PPEF1: variants seen among roughly 807,000 people sequenced by gnomAD.
PPEF1 encodes the protein protein phosphatase with EF-hand domain 1.
PPEF1 carries 12 observed loss-of-function variants against 53.3 expected under a neutral mutation model. The observed-to-expected ratio is 0.23, with a 90% confidence interval of 0.14 to 0.36. The LOEUF (loss-of-function observed/expected upper bound fraction) is 0.36. Ranked by LOEUF, PPEF1 falls within the 10% of genes least tolerant of loss-of-function variation. The pLI is 1.00. For synonymous variants in PPEF1, 165 were observed against 176.7 expected (o/e 0.93, Z 0.52); for missense variants, 334 against 490.4 (o/e 0.68, Z 3.01).
intron 1 of PPEF1, 42 bp downstream of exon 1, chrX:18,707,868 G>A (rs755162741): frequency 8.2e-5 from 91 of 1,115,343 alleles, no homozygotes; most frequent in Non-Finnish European, 9.1e-5. Flanking sequence ...ATGAAAAGGG[G>A]AAAATGAGCT....
chrX:18,702,105 G>C (rs962382180), intron 6 of PPEF1, among the ~76,000 whole-genome samples: 2 of 111,733 alleles, frequency 1.8e-5, no homozygotes, highest in African/African-American at 6.5e-5. Context: ...TCTCTGGCAC[G>C]GGCTGCCAGG....
At chrX:18,725,029 G>A (rs1029979890) in intron 1 of PPEF1, among the ~76,000 whole-genome samples, 5 of 111,028 alleles carry the variant, frequency 4.5e-5, no homozygotes, top group Non-Finnish European at 7.5e-5. Flanking sequence ...AGCAGGATGT[G>A]GATCAAAGTC....
intron 3 of PPEF1, among the ~76,000 whole-genome samples, chrX:18,746,672 A>G (rs1375958684): frequency 8.9e-6 from 1 of 112,142 alleles, no homozygotes; most frequent in Admixed American, 9.5e-5. Flanking sequence ...GATTGGGAAA[A>G]TAAAATGATT....
upstream of PPEF1, among the ~76,000 whole-genome samples, chrX:18,679,473 C>G (rs1292719317): frequency 1.8e-5 from 2 of 111,601 alleles, no homozygotes; most frequent in Admixed American, 1.9e-4. Flanking sequence ...TTCTTACACC[C>G]CCAGTGTAAT....
chrX:18,725,932 A>G (rs773109025), intron 1 of PPEF1, among the ~76,000 whole-genome samples: 34 of 110,196 alleles, frequency 3.1e-4, no homozygotes, highest in Non-Finnish European at 4.7e-4. Context: ...TCCCTTGGAG[A>G]GTGGGGTGGG....
chrX:18,799,786 C>A (rs2046513510), intron 10 of PPEF1, among the ~76,000 whole-genome samples: 1 of 111,671 alleles, frequency 9.0e-6, no homozygotes, highest in Non-Finnish European at 1.9e-5. Context: ...ATTAGTCTTT[C>A]ATGCAGTGAT....
At chrX:18,727,599 T>C (rs1205806002) in intron 1 of PPEF1, among the ~76,000 whole-genome samples, 1 of 110,355 alleles carries the variant, frequency 9.1e-6, no homozygotes, top group Non-Finnish European at 1.9e-5. Context: ...TGTCCTCTAA[T>C]TCAGATTCTG....
chrX:18,735,052 T>G (rs1259282582), intron 3 of PPEF1, among the ~76,000 whole-genome samples: 1 of 111,964 alleles, frequency 8.9e-6, no homozygotes, highest in African/African-American at 3.2e-5. Flanking sequence ...GGGTAGATTG[T>G]AAAAATTTTC....
At chrX:18,795,232 C>T (rs950999454) in intron 10 of PPEF1, among the ~76,000 whole-genome samples, 16 of 111,906 alleles carry the variant, frequency 1.4e-4, no homozygotes, top group African/African-American at 5.2e-4. Flanking sequence ...ATGGCTTGAA[C>T]CTGGGAGGCG....
chrX:18,766,144 C>T (rs184942960), intron 6 of PPEF1, among the ~76,000 whole-genome samples: 23 of 108,218 alleles, frequency 2.1e-4, no homozygotes, highest in African/African-American at 6.1e-4. Flanking sequence ...GTGTCTCAGA[C>T]GGGAGAATGA....
At chrX:18,695,732 C>T (rs5909202) in intron 4 of PPEF1, among the ~76,000 whole-genome samples, 12,754 of 111,936 alleles carry the variant, frequency 0.11, 685 homozygotes, top group Middle Eastern at 0.16. Flanking sequence ...AGCAGTGGTC[C>T]GAATTAAAAT....
At chrX:18,729,173 T>A (rs1402242229) in intron 1 of PPEF1, among the ~76,000 whole-genome samples, 1 of 105,518 alleles carries the variant, frequency 9.5e-6, no homozygotes, top group Non-Finnish European at 2.0e-5. Context: ...TCTCATTTCA[T>A]CCTCATAGAA....
chrX:18,758,546 A>C (rs1470103362), intron 5 of PPEF1, among the ~76,000 whole-genome samples: 1 of 111,764 alleles, frequency 8.9e-6, no homozygotes, highest in Non-Finnish European at 1.9e-5. Context: ...TTGATGTAGC[A>C]GTGCCTACCT....
chrX:18,762,772 C>T (rs1322174385), intron 6 of PPEF1, among the ~76,000 whole-genome samples: 2 of 111,555 alleles, frequency 1.8e-5, no homozygotes, highest in African/African-American at 3.3e-5. Flanking sequence ...GTTGCCATCT[C>T]GGTTTTGGTG....
chrX:18,802,853 C>A (rs5909088), intron 10 of PPEF1, among the ~76,000 whole-genome samples: 15 of 107,028 alleles, frequency 1.4e-4, no homozygotes, highest in African/African-American at 1.0e-4. Flanking sequence ...GCCAAAAAAA[C>A]AAAAAAAAAA....
chrX:18,707,825 A>G lies in PPEF1; in HGVS notation c.45A>G (p.Thr15=). The G allele has an allele frequency of 1.7e-6, 2 of 1,205,798 alleles. No homozygotes were observed. Among genetic ancestry groups the G allele is most frequent in the Non-Finnish European group, 1.1e-6 (1 of 890,040 alleles). ...CAACGAAAACCAGGAGATCTGACAC[A>G]TGTGAGTACTGGGAATGTGCCTGTG... The part of the protein sequence containing the change: ...SSSTKTRRSD[T]SLRAALIIQN... Residue 15 remains threonine (T), a splice_region_variant and synonymous_variant, in exon 1 of 16, where the codon ACA becomes ACG. Coordinates refer to ENST00000470157, the MANE Select transcript of PPEF1 (RefSeq NM_001377996.1).
chrX:18,818,648 C>T (rs930083377), intron 13 of PPEF1, among the ~76,000 whole-genome samples: 2 of 111,824 alleles, frequency 1.8e-5, no homozygotes, highest in Admixed American at 9.6e-5. Context: ...GGATTACAGG[C>T]GTGAGCCACC....
At chrX:18,722,397 G>A (rs897464942) in intron 1 of PPEF1, among the ~76,000 whole-genome samples, 1 of 111,851 alleles carries the variant, frequency 8.9e-6, no homozygotes, top group Non-Finnish European at 1.9e-5. Flanking sequence ...TTAAATATTC[G>A]CTAATCCTGC....
chrX:18,788,456 A>G (rs6633140), intron 9 of PPEF1, among the ~76,000 whole-genome samples: 1 of 110,831 alleles, frequency 9.0e-6, no homozygotes, highest in East Asian at 2.8e-4. Flanking sequence ...ATAAAATTAC[A>G]GTCTCTGCTT....
Sources: gnomAD v4.1 joint callset for allele counts (sites outside exome capture counted in the v4.1 genomes callset) on GRCh38, gnomAD v4.1.1 for gene constraint, MANE v1.5 for transcripts, NCBI Gene and HGNC (gene_info 2026-07-23, HGNC 2026-07-21) for gene names.